The following NMNAT3 variants were observed in gnomAD, a reference collection of about 807,000 sequenced individuals.
NMNAT3 encodes the protein nicotinamide/nicotinic acid mononucleotide adenylyltransferase 3.
In NMNAT3, 21 loss-of-function variants were observed where a neutral mutation model predicts 24.8. The ratio of observed to expected loss-of-function variants is 0.85; its 90% CI spans 0.60 to 1.22. NMNAT3 has a LOEUF of 1.22. Among genes scored for constraint, NMNAT3 ranks in the 50% most tolerant of loss-of-function variants. The pLI, the probability that NMNAT3 is intolerant of heterozygous loss-of-function variation, is 0.00. For synonymous variants in NMNAT3, 136 were observed against 155.2 expected (o/e 0.88, Z 0.92); for missense variants, 387 against 436.6 (o/e 0.89, Z 1.01).
intron 1 of NMNAT3, among the ~76,000 whole-genome samples, chr3:139,676,896 G>C (rs1445162039): frequency 6.6e-6 from 1 of 152,206 alleles, no homozygotes; most frequent in Non-Finnish European, 1.5e-5. Flanking sequence ...TGGATGTTTA[G>C]TGCAGAGTAA....
chr3:139,631,780 A>G (rs888151608), intron 2 of NMNAT3, among the ~76,000 whole-genome samples: 3 of 151,982 alleles, frequency 2.0e-5, no homozygotes, highest in African/African-American at 7.3e-5. Context: ...ATCTGCCTTC[A>G]AGGTTTTCTC....
At chr3:139,562,377 T>G (rs995082820) in intron 6 of NMNAT3, among the ~76,000 whole-genome samples, 1 of 152,178 alleles carries the variant, frequency 6.6e-6, no homozygotes, top group Non-Finnish European at 1.5e-5. Context: ...TCCGTGTCCC[T>G]CTTGGTGAGC....
At chr3:139,589,172 T>C (rs1405167949) in intron 3 of NMNAT3, among the ~76,000 whole-genome samples, 4 of 152,116 alleles carry the variant, frequency 2.6e-5, no homozygotes, top group Admixed American at 1.3e-4. Context: ...TATGCAGGAA[T>C]TGTAAAATAG....
Position 139,675,937 on chromosome 3 carries a change from C to T in NMNAT3, c.-141+1768G>A, listed in dbSNP as rs569138921. Among the ~76,000 whole-genome samples, 21 of 152,258 alleles carry T rather than the reference C, an allele frequency of 1.4e-4. 1 individual carries two copies. Among genetic ancestry groups the T allele is most frequent in the Admixed American group, 8.5e-4 (13 of 15,308 alleles). On this transcript the variant is annotated intron_variant, in intron 1 of 6. Coordinates refer to ENST00000643695, the MANE Select transcript of NMNAT3 (RefSeq NM_001320510.2). ...ACCTGTTAAGCCTGAGCAATCCTCA[C>T]GACTCACAAGGTGAGTGAGCTGCCC...
intron 3 of NMNAT3, among the ~76,000 whole-genome samples, chr3:139,619,127 T>G (rs2055644396): frequency 6.6e-6 from 1 of 152,176 alleles, no homozygotes; most frequent in Non-Finnish European, 1.5e-5. Flanking sequence ...TGCTACCATG[T>G]GGTAGGTCTG....
intron 3 of NMNAT3, among the ~76,000 whole-genome samples, chr3:139,600,951 A>T (rs1484059380): frequency 6.6e-6 from 1 of 152,114 alleles, no homozygotes; most frequent in Non-Finnish European, 1.5e-5. Flanking sequence ...GGTGGGTTTT[A>T]AAAAGCACTC....
intron 3 of NMNAT3, among the ~76,000 whole-genome samples, chr3:139,625,376 TTG>T (rs2056006164): frequency 6.6e-6 from 1 of 152,224 alleles, no homozygotes; most frequent in Admixed American, 6.5e-5. Context: ...TGTTTTCTAT[TTG>T]TCTCATCTGT....
chr3:139,567,153 G>A (rs1259551402), intron 6 of NMNAT3: 1 of 151,608 alleles, frequency 6.6e-6, no homozygotes, highest in African/African-American at 2.4e-5. Flanking sequence ...CTCACGATTT[G>A]GCTGTTTGTC....
At chr3:139,648,146 G>A (rs74948271) in intron 1 of NMNAT3, among the ~76,000 whole-genome samples, 22 of 152,244 alleles carry the variant, frequency 1.4e-4, no homozygotes, top group African/African-American at 4.6e-4. Context: ...TTTTCCCTAC[G>A]TTGTCCTTGT....
At chr3:139,567,903 T>C (rs1452109629) in intron 6 of NMNAT3, 3 of 152,256 alleles carry the variant, frequency 2.0e-5, no homozygotes, top group African/African-American at 7.2e-5. Context: ...TTGCAATAGT[T>C]TCAGAAGGAA....
At chr3:139,598,023 A>C (rs1265781979) in intron 3 of NMNAT3, among the ~76,000 whole-genome samples, 1 of 152,220 alleles carries the variant, frequency 6.6e-6, no homozygotes, top group Admixed American at 6.5e-5. Flanking sequence ...ATAATGTCTT[A>C]TCTGAAAACA....
intron 3 of NMNAT3, among the ~76,000 whole-genome samples, chr3:139,606,084 T>C (rs1460608773): frequency 6.6e-6 from 1 of 152,240 alleles, no homozygotes; most frequent in African/African-American, 2.4e-5. Context: ...CTTCTACTAA[T>C]GTTAATAACT....
At chr3:139,597,406 G>T (rs1166104058) in intron 3 of NMNAT3, among the ~76,000 whole-genome samples, 1 of 151,970 alleles carries the variant, frequency 6.6e-6, no homozygotes, top group Non-Finnish European at 1.5e-5. Context: ...TTAGTAATGT[G>T]GTATATTAAT....
chr3:139,593,445 T>C, intron 3 of NMNAT3, among the ~76,000 whole-genome samples: 1 of 152,122 alleles, frequency 6.6e-6, no homozygotes, highest in East Asian at 1.9e-4. Flanking sequence ...TGAACTCAGC[T>C]CTGCACCAAG....
Position 139,589,097 on chromosome 3 carries a change from G to A in NMNAT3, c.110-5889C>T, listed in dbSNP as rs558836244. On this transcript the variant is annotated intron_variant, in intron 3 of 6. Transcript: ENST00000643695. ...AAGACAGAGACTAAAACAGCCACCA[G>A]GAGCAAAGGAACTTGGAGGATACAA... Among the ~76,000 whole-genome samples, 14 of 152,288 alleles carry A rather than the reference G, an allele frequency of 9.2e-5. No individual in the cohort carries two copies. The South Asian group carries it at 2.9e-3, about 32-fold the overall frequency.
Position 139,625,437 on chromosome 3 carries a change from A to G in NMNAT3, c.109+2179T>C, listed in dbSNP as rs1053975087. Among the ~76,000 whole-genome samples the G allele has an allele frequency of 3.3e-5, 5 of 152,108 alleles. No homozygotes were observed. The South Asian group carries it at 8.3e-4, about 25-fold the overall frequency. On this transcript the variant is annotated intron_variant, in intron 3 of 6. Transcript: ENST00000643695. ...TTCTTCTTTTGAATTAACTGAGTAT[A>G]TTCCAATTCTATTTTACTTCCTCTG...
intron 3 of NMNAT3, among the ~76,000 whole-genome samples, chr3:139,592,772 G>A (rs886992288): frequency 3.3e-5 from 5 of 152,142 alleles, no homozygotes; most frequent in African/African-American, 1.2e-4. Flanking sequence ...CAAATGCTGA[G>A]AGATTTTGTC....
At chr3:139,573,016 T>C (rs957402406) in intron 6 of NMNAT3, among the ~76,000 whole-genome samples, 5 of 152,196 alleles carry the variant, frequency 3.3e-5, no homozygotes, top group Non-Finnish European at 5.9e-5. Flanking sequence ...ATTTTGCCCT[T>C]GACACCAGGG....
chr3:139,670,067 T>A (rs190603134), intron 1 of NMNAT3, among the ~76,000 whole-genome samples: 2 of 152,336 alleles, frequency 1.3e-5, no homozygotes, highest in East Asian at 3.9e-4. Flanking sequence ...CATCCATGAT[T>A]TTTTTCTCAA....
Sources: allele counts gnomAD v4.1 joint callset (sites outside exome capture counted in the v4.1 genomes callset), GRCh38; gene constraint gnomAD v4.1.1; transcripts MANE v1.5; gene names NCBI Gene and HGNC (gene_info 2026-07-23, HGNC 2026-07-21).